Variants in DIAPH2 observed in about 807,000 individuals in gnomAD.
DIAPH2 encodes protein diaphanous homolog 2.
DIAPH2 carries 35 observed loss-of-function variants against 92.7 expected under a neutral mutation model. The ratio of observed to expected loss-of-function variants is 0.38; its 90% CI spans 0.29 to 0.50. The LOEUF (loss-of-function observed/expected upper bound fraction) is 0.50, where lower values mean the gene tolerates loss of function less well. Ranked by LOEUF, DIAPH2 falls within the 20% of genes least tolerant of loss-of-function variation. The pLI is 0.94. For missense variants in DIAPH2, 701 were observed against 819.5 expected (o/e 0.86, Z 1.77); for synonymous variants, 301 against 280.4 (o/e 1.07, Z -0.73).
chrX:97,232,642 C>T (rs2068018407), intron 22 of DIAPH2, among the ~76,000 whole-genome samples: 1 of 111,299 alleles, frequency 9.0e-6, no homozygotes, highest in African/African-American at 3.3e-5. Context: ...CTCCTTTAGC[C>T]TTCTGCCGTC....
At chrX:96,741,101 C>T (rs1046089280) in intron 3 of DIAPH2, among the ~76,000 whole-genome samples, 11 of 108,350 alleles carry the variant, frequency 1.0e-4, no homozygotes, top group African/African-American at 2.7e-4. Context: ...TTTTCATGTC[C>T]GCATTCTTCT....
chrX:96,949,687 CAAAAA>C (rs1167294262), intron 15 of DIAPH2, among the ~76,000 whole-genome samples: 11 of 40,334 alleles, frequency 2.7e-4, no homozygotes, highest in Non-Finnish European at 3.0e-4. Flanking sequence ...ACTAAAAATA[CAAAAA>C]AAAAAAAAAA....
intron 23 of DIAPH2, among the ~76,000 whole-genome samples, chrX:97,294,870 T>C (rs2068630254): frequency 9.0e-6 from 1 of 111,717 alleles, no homozygotes; most frequent in Non-Finnish European, 1.9e-5. Flanking sequence ...ACGAAACACT[T>C]CATCTGCTTT....
intron 23 of DIAPH2, among the ~76,000 whole-genome samples, chrX:97,270,639 T>C (rs1223738745): frequency 8.9e-6 from 1 of 111,925 alleles, no homozygotes; most frequent in Admixed American, 9.6e-5. Flanking sequence ...CGACAAGGAC[T>C]TAACCAGCTC....
chrX:97,421,912 C>T (rs1428417342), intron 25 of DIAPH2, among the ~76,000 whole-genome samples: 1 of 111,710 alleles, frequency 9.0e-6, no homozygotes, highest in African/African-American at 3.3e-5. Flanking sequence ...TTTCTCTCCT[C>T]ATGCTTTATC....
chrX:97,260,358 A>G, intron 23 of DIAPH2, among the ~76,000 whole-genome samples: 1 of 112,427 alleles, frequency 8.9e-6, no homozygotes, highest in Non-Finnish European at 1.9e-5. Context: ...AGAGATTTAT[A>G]ATGCCATGCC....
chrX:96,892,221 A>T (rs921607933), intron 5 of DIAPH2, among the ~76,000 whole-genome samples: 12 of 112,015 alleles, frequency 1.1e-4, no homozygotes, highest in African/African-American at 3.6e-4. Flanking sequence ...CAGGGGACTA[A>T]CTATGAAAGA....
In DIAPH2 at chrX:96,869,004, A is replaced by G. The variant is rs944759226; in HGVS notation, c.448-12575A>G. Among the ~76,000 whole-genome samples, 5 of 112,280 alleles carry G rather than the reference A, an allele frequency of 4.5e-5. No individual in the cohort carries two copies. In the Middle Eastern group the frequency reaches 0.014, roughly 312 times the overall value. Reference sequence around the variant, plus strand: ...CATATAGTGGCATATTCCAAATCATAGATTCAACAGGGCAGGACCTTTGGG... The same window carrying G: ...CATATAGTGGCATATTCCAAATCATGGATTCAACAGGGCAGGACCTTTGGG... On this transcript the variant is annotated intron_variant, in intron 4 of 26. Transcript: ENST00000324765.
rs771881984 is a variant in DIAPH2 at position 97,284,899 on chromosome X, G to A, written c.2844+37060G>A. Among the ~76,000 whole-genome samples, 6 of 111,600 alleles carry A rather than the reference G, an allele frequency of 5.4e-5. No homozygotes were observed. In the South Asian group the frequency reaches 2.3e-3, roughly 42 times the overall value. The stretch of plus-strand genomic sequence containing the variant: ...CCCCTAGCACAGTATGTGGCACAGA[G>A]CACTCAATAGTTATTGAACAAATAA... On this transcript the variant is annotated intron_variant, in intron 23 of 26. Transcript: ENST00000324765.
intron 16 of DIAPH2, among the ~76,000 whole-genome samples, chrX:96,959,511 T>C (rs1368766591): frequency 1.8e-5 from 2 of 112,347 alleles, no homozygotes; most frequent in African/African-American, 6.5e-5. Flanking sequence ...TCTTGTATTT[T>C]TTGGATATTA....
At chrX:97,113,084 T>A (rs755950297) in intron 20 of DIAPH2, among the ~76,000 whole-genome samples, 39 of 110,878 alleles carry the variant, frequency 3.5e-4, no homozygotes, top group African/African-American at 1.2e-3. Flanking sequence ...CCGGCCACTT[T>A]TTCCTTTTAG....
At chrX:97,249,033 A>T (rs1027605115) in intron 23 of DIAPH2, among the ~76,000 whole-genome samples, 17 of 110,369 alleles carry the variant, frequency 1.5e-4, no homozygotes, top group African/African-American at 5.6e-4. Flanking sequence ...AGGATACCTA[A>T]TGTGAAGGTT....
In DIAPH2 at chrX:96,882,979, AAAAACAAAAAAAC is replaced by A. The variant is rs1219926491; in HGVS notation, c.587+1266_587+1278del. On this transcript the variant is annotated intron_variant, in intron 5 of 26. Transcript: ENST00000324765. ...GTCTCCAAAAAAAAAAAAAAAAAAA[AAAAACAAAAAAAC>A]AAAAATCCGGGATCTATTTATGTAA... 8.7e-4 allele frequency among the ~76,000 whole-genome samples: 46 copies of A among 52,821 alleles called. 1 individual carries two copies. The highest frequency in any genetic ancestry group is 1.7e-3 in the African/African-American group (41 of 24,752). 45.9% of individuals were successfully genotyped at this position (52,821 alleles called of 115,157 possible). A position where few individuals can be genotyped will look rare whatever the true frequency, so the allele number is the denominator to read the frequency against.
At chrX:97,030,828 A>T (rs1318469789) in intron 17 of DIAPH2, among the ~76,000 whole-genome samples, 2 of 112,057 alleles carry the variant, frequency 1.8e-5, no homozygotes, top group African/African-American at 3.2e-5. Flanking sequence ...CTATGAAAAC[A>T]CAATAGTGTA....
At chrX:97,366,904 A>G (rs1254697745) in intron 24 of DIAPH2, among the ~76,000 whole-genome samples, 1 of 111,974 alleles carries the variant, frequency 8.9e-6, no homozygotes, top group African/African-American at 3.2e-5. Flanking sequence ...GTATAAGCAC[A>G]ATATGCAAAA....
intron 22 of DIAPH2, among the ~76,000 whole-genome samples, chrX:97,191,709 G>C (rs1454863872): frequency 8.9e-6 from 1 of 112,110 alleles, no homozygotes; most frequent in Non-Finnish European, 1.9e-5. Flanking sequence ...ACACAAACAA[G>C]ATACTTTTTA....
chrX:96,846,236 CT>C (rs777739155), intron 4 of DIAPH2, among the ~76,000 whole-genome samples: 101 of 109,722 alleles, frequency 9.2e-4, no homozygotes, highest in African/African-American at 3.3e-3. Flanking sequence ...CAACCTCCGC[CT>C]TCTGGGTTCA....
chrX:97,459,495 A>G (rs2070439680), intron 26 of DIAPH2, among the ~76,000 whole-genome samples: 1 of 112,340 alleles, frequency 8.9e-6, no homozygotes. Flanking sequence ...TTTCTTAAAT[A>G]CATAATAGAG....
chrX:97,088,453 A>G (rs1036757915), intron 19 of DIAPH2, among the ~76,000 whole-genome samples: 3 of 111,984 alleles, frequency 2.7e-5, no homozygotes, highest in Non-Finnish European at 5.6e-5. Context: ...CATTCTTTGT[A>G]TTGGTCATTC....
Sources: allele counts gnomAD v4.1 joint callset (sites outside exome capture counted in the v4.1 genomes callset), GRCh38; gene constraint gnomAD v4.1.1; transcripts MANE v1.5; gene names NCBI Gene and HGNC (gene_info 2026-07-23, HGNC 2026-07-21).